The following RPS4Y1 variants were observed in gnomAD, a reference collection of about 807,000 sequenced individuals.
RPS4Y1 encodes ribosomal protein S4 Y-linked 1.
For synonymous variants in RPS4Y1, 23 were observed against 20.8 expected (o/e 1.10, Z -0.28); for missense variants, 30 against 60.9 (o/e 0.49, Z 1.69).
intron 4 of RPS4Y1, among the ~76,000 whole-genome samples, chrY:2,851,247 TG>T (rs2051156194): frequency 3.0e-5 from 1 of 33,412 alleles, no homozygotes; most frequent in Non-Finnish European, 7.4e-5. Context: ...AAGTGGTCAC[TG>T]GATTGGTACT....
rs1422227762 is a variant in RPS4Y1, at chrY:2,844,267, G to A, written c.262+10G>A. On this transcript the variant is annotated intron_variant, in intron 3 of 6. Transcript: ENST00000250784. ...CCTGCTGGATTCATGGGTAAGGAAA[G>A]AGTTCTTTGTTTTGTTTTGAAGAAG... 1.0e-5 allele frequency: 4 copies of A among 388,397 alleles called. No homozygotes were observed. Among genetic ancestry groups the A allele is most frequent in the Non-Finnish European group, 1.1e-5 (3 of 273,870 alleles).
Position 2,847,113 on chromosome Y carries a change from T to G in RPS4Y1, c.360+1370T>G, listed in dbSNP as rs772184974. Among the ~76,000 whole-genome samples the G allele has an allele frequency of 1.8e-4, 6 of 34,010 alleles. No homozygotes were observed. In the East Asian group the frequency reaches 4.7e-3, roughly 27 times the overall value. 91.2% of individuals were successfully genotyped at this position (34,010 alleles called of 37,273 possible). A position where few individuals can be genotyped will look rare whatever the true frequency, so the allele number is the denominator to read the frequency against. ...TTCTTTGGGCAGCTGGAAGGGAGCA[T>G]TCCCTGTCACAAACCCCACCCAGTT... On this transcript the variant is annotated intron_variant, in intron 4 of 6. Transcript: ENST00000250784.
At chrY:2,853,990 C>A in intron 4 of RPS4Y1, 1 of 33,085 alleles carries the variant, frequency 3.0e-5, no homozygotes, top group African/African-American at 1.2e-4. Context: ...GTGCCACCAC[C>A]CGGGCTAATT....
intron 4 of RPS4Y1, among the ~76,000 whole-genome samples, chrY:2,849,404 C>A (rs2051154709): frequency 8.9e-5 from 3 of 33,562 alleles, no homozygotes; most frequent in Non-Finnish European, 2.2e-4. Flanking sequence ...TGCCTACTTG[C>A]AGGACTCAAT....
Position 2,866,923 on chromosome Y carries a change from T to C in RPS4Y1, c.*29T>C. The C allele has an allele frequency of 3.5e-6, 1 of 286,464 alleles. No homozygotes were observed. Among genetic ancestry groups the C allele is most frequent in the Non-Finnish European group, 5.5e-6 (1 of 182,585 alleles). The allele number at this position is 286,464 out of a possible 400,897, so 71.5% of individuals were successfully genotyped here. A position where few individuals can be genotyped will look rare whatever the true frequency, so the allele number is the denominator to read the frequency against. On this transcript the variant is annotated 3_prime_UTR_variant, in exon 7 of 7. Coordinates refer to ENST00000250784, the MANE Select transcript of RPS4Y1 (RefSeq NM_001008.4). ...GCAGTAGCAGCATATCTTTTTTTCT[T>C]TGCACAAATAAACAGTGAATTCTCG...
At chrY:2,856,226 C>T in intron 5 of RPS4Y1, among the ~76,000 whole-genome samples, 1 of 33,410 alleles carries the variant, frequency 3.0e-5, no homozygotes, top group Non-Finnish European at 7.4e-5. Context: ...GCAAGCTCCA[C>T]CTCACAGGTT....
intron 4 of RPS4Y1, among the ~76,000 whole-genome samples, 194 bp downstream of exon 4, chrY:2,845,937 C>T (rs2051152732): frequency 8.9e-5 from 3 of 33,675 alleles, no homozygotes; most frequent in African/African-American, 2.3e-4. Context: ...GTTTTAGAAA[C>T]GGGATTACAA....
At chrY:2,844,717 G>A in intron 3 of RPS4Y1, among the ~76,000 whole-genome samples, 1 of 33,519 alleles carries the variant, frequency 3.0e-5, no homozygotes, top group African/African-American at 1.2e-4. Flanking sequence ...CAAGAAGAGG[G>A]CTCAGAGGAA....
intron 5 of RPS4Y1, among the ~76,000 whole-genome samples, chrY:2,856,477 A>G: frequency 8.9e-5 from 3 of 33,890 alleles, no homozygotes; most frequent in African/African-American, 3.5e-4. Flanking sequence ...CTTATCTCCA[A>G]TGAAATGATA....
At chrY:2,849,172 C>T in intron 4 of RPS4Y1, among the ~76,000 whole-genome samples, 1 of 33,388 alleles carries the variant, frequency 3.0e-5, no homozygotes, top group Non-Finnish European at 7.4e-5. Context: ...GAAACTGACA[C>T]ATTCTGGAGG....
chrY:2,865,916 C>G, intron 6 of RPS4Y1, among the ~76,000 whole-genome samples: 5 of 33,148 alleles, frequency 1.5e-4, no homozygotes, highest in African/African-American at 6.0e-4. Context: ...GAATTTTGCT[C>G]TGTTGCCCAG....
intron 1 of RPS4Y1, 38 bp downstream of exon 1, chrY:2,841,665 T>A: frequency 2.6e-6 from 1 of 383,532 alleles, no homozygotes; most frequent in Non-Finnish European, 3.7e-6. Flanking sequence ...TATATCTGCC[T>A]CCATCATTTG....
At chrY:2,844,022 G>T in intron 2 of RPS4Y1, 55 bp from the exon 3 acceptor site, 3 of 352,403 alleles carry the variant, frequency 8.5e-6, no homozygotes, top group Admixed American at 7.5e-5. Context: ...GCTCAATCTG[G>T]TTACATAAGG....
intron 4 of RPS4Y1, among the ~76,000 whole-genome samples, chrY:2,853,057 C>T: frequency 3.0e-5 from 1 of 33,323 alleles, no homozygotes; most frequent in African/African-American, 1.2e-4. Context: ...ATTTCAACTT[C>T]GGCCTTTTTT....
At chrY:2,855,021 A>G in intron 5 of RPS4Y1, among the ~76,000 whole-genome samples, 1 of 33,507 alleles carries the variant, frequency 3.0e-5, no homozygotes, top group African/African-American at 1.2e-4. Context: ...AATGTAAACC[A>G]TAGCTATGTA....
chrY:2,862,051 AT>A (rs374546271), intron 5 of RPS4Y1, among the ~76,000 whole-genome samples: 236 of 23,474 alleles, frequency 0.01, no homozygotes, highest in East Asian at 0.026. Flanking sequence ...CGTGCCTGGC[AT>A]TTTTTTTTTT....
chrY:2,853,088 C>G (rs2051157233), intron 4 of RPS4Y1, among the ~76,000 whole-genome samples: 1 of 33,326 alleles, frequency 3.0e-5, no homozygotes, highest in Non-Finnish European at 7.4e-5. Flanking sequence ...GAGCCAAGCT[C>G]TGGTTACTTT....
chrY:2,861,098 A>T, intron 5 of RPS4Y1, among the ~76,000 whole-genome samples: 1 of 32,624 alleles, frequency 3.1e-5, no homozygotes, highest in African/African-American at 1.2e-4. Context: ...TGACTTGTTA[A>T]TTTCAGTGGC....
intron 2 of RPS4Y1, among the ~76,000 whole-genome samples, chrY:2,843,253 C>A: frequency 3.0e-5 from 1 of 33,445 alleles, no homozygotes; most frequent in Non-Finnish European, 7.4e-5. Flanking sequence ...GCAAGGCACT[C>A]TTTAAGAAGA....
Sources: allele counts gnomAD v4.1 joint callset (sites outside exome capture counted in the v4.1 genomes callset), GRCh38; gene constraint gnomAD v4.1.1; transcripts MANE v1.5; gene names NCBI Gene and HGNC (gene_info 2026-07-23, HGNC 2026-07-21).